Variants in ARFGEF3 observed in about 807,000 individuals in gnomAD.
The protein encoded by ARFGEF3 is ARFGEF family member 3, also known as brefeldin A-inhibited guanine nucleotide-exchange protein 3.
A neutral mutation model predicts 221.7 loss-of-function variants in ARFGEF3; 96 were observed. The ratio of observed to expected loss-of-function variants is 0.43; its 90% CI spans 0.37 to 0.51. The LOEUF (loss-of-function observed/expected upper bound fraction) is 0.51, where lower values mean the gene tolerates loss of function less well. Ranked by LOEUF, ARFGEF3 falls within the 20% of genes least tolerant of loss-of-function variation. ARFGEF3 has a pLI of 0.00. For missense variants in ARFGEF3, 2,410 were observed against 2,789.9 expected, an observed-to-expected ratio of 0.86 and a Z score of 3.07; for synonymous variants, 1,145 against 1,126.8, an observed-to-expected ratio of 1.02 and a Z score of -0.32.
In ARFGEF3 at chr6:138,324,045, G is replaced by A. The variant is rs1780084444; in HGVS notation, c.4892G>A (p.Ser1631Asn). 2.5e-6 allele frequency: 4 copies of A among 1,613,850 alleles called. No homozygotes were observed. Among genetic ancestry groups the A allele is most frequent in the Non-Finnish European group, 3.4e-6 (4 of 1,179,862 alleles). The change falls in exon 31 of 34, where the codon AGC becomes AAC. Residue 1631 changes from serine to asparagine, a missense_variant. Around this residue, in one of 5 missense-constraint regions of ARFGEF3, gnomAD observed 723 missense variants for 991.9 expected, o/e 0.73. Coordinates refer to ENST00000251691, the MANE Select transcript of ARFGEF3 (RefSeq NM_020340.5). ...PVKDLLGCFH[S>N]GTESFSGEGC... ...CAGGACCTGCTGGGCTGCTTCCACA[G>A]CGGCACGGAGAGCTTCAGCGGGGAA...
intron 2 of ARFGEF3, among the ~76,000 whole-genome samples, chr6:138,175,970 G>A (rs1332107902): frequency 6.6e-6 from 1 of 152,068 alleles, no homozygotes; most frequent in Non-Finnish European, 1.5e-5. Flanking sequence ...GTCTCTTGTT[G>A]AATTGATCCC....
chr6:138,228,878 C>A (rs956592335), intron 4 of ARFGEF3, among the ~76,000 whole-genome samples: 3 of 152,238 alleles, frequency 2.0e-5, no homozygotes, highest in African/African-American at 7.2e-5. Context: ...GGAGCAGACA[C>A]CAGCACCTTT....
chr6:138,340,441 A>G lies in ARFGEF3; in HGVS notation c.*3955A>G, dbSNP rs910051246. The G allele has an allele frequency of 2.0e-5, 3 of 152,226 alleles. No homozygotes were observed. The highest frequency in any genetic ancestry group is 2.9e-5 in the Non-Finnish European group (2 of 68,042). The allele number at this position is 152,226 out of a possible 1,614,324, so 9.4% of individuals were successfully genotyped here. Reference sequence around the variant, plus strand: ...AGATACCCTTGACTTTGCCAGATTCATCACAATACTGCTTATACAGGAAAG... The same window carrying G: ...AGATACCCTTGACTTTGCCAGATTCGTCACAATACTGCTTATACAGGAAAG... On this transcript the variant is annotated 3_prime_UTR_variant, in exon 34 of 34. Transcript: ENST00000251691.
At chr6:138,164,081 C>T (rs1280190640) in intron 1 of ARFGEF3, among the ~76,000 whole-genome samples, 1 of 152,160 alleles carries the variant, frequency 6.6e-6, no homozygotes, top group Non-Finnish European at 1.5e-5. Context: ...ATAAAATGTT[C>T]CCTGTAAGGA....
intron 12 of ARFGEF3, among the ~76,000 whole-genome samples, chr6:138,268,198 A>G (rs1778932648): frequency 6.6e-6 from 1 of 152,226 alleles, no homozygotes; most frequent in Non-Finnish European, 1.5e-5. Context: ...AGAAAACATT[A>G]TGCTCCACTG....
intron 3 of ARFGEF3, among the ~76,000 whole-genome samples, chr6:138,208,211 T>A (rs1272212261): frequency 6.6e-6 from 1 of 152,188 alleles, no homozygotes; most frequent in African/African-American, 2.4e-5. Context: ...CTGAATCGTG[T>A]TAACTGAAGC....
intron 2 of ARFGEF3, among the ~76,000 whole-genome samples, chr6:138,178,407 C>T (rs978254070): frequency 2.0e-5 from 3 of 152,280 alleles, no homozygotes; most frequent in African/African-American, 4.8e-5. Context: ...CAGTGTGTGT[C>T]TTATAACATG....
intron 1 of ARFGEF3, among the ~76,000 whole-genome samples, chr6:138,167,211 C>T (rs566526515): frequency 6.6e-6 from 1 of 152,256 alleles, no homozygotes; most frequent in South Asian, 2.1e-4. Context: ...AGATTCTGTC[C>T]CCAGCTGTAA....
intron 12 of ARFGEF3, among the ~76,000 whole-genome samples, chr6:138,272,346 G>T (rs140347586): frequency 6.6e-6 from 1 of 152,052 alleles, no homozygotes; most frequent in Non-Finnish European, 1.5e-5. Flanking sequence ...GAGTAGAGAC[G>T]TGGTTTCACC....
intron 2 of ARFGEF3, among the ~76,000 whole-genome samples, chr6:138,173,297 T>C (rs978038481): frequency 6.6e-6 from 1 of 152,154 alleles, no homozygotes; most frequent in African/African-American, 2.4e-5. Flanking sequence ...ATGAAAAAAT[T>C]TGAATGCTAA....
chr6:138,191,879 A>T (rs1007707526), intron 2 of ARFGEF3, among the ~76,000 whole-genome samples: 1 of 152,104 alleles, frequency 6.6e-6, no homozygotes, highest in African/African-American at 2.4e-5. Context: ...ATTAGAGTGG[A>T]GCCCTTCCTC....
intron 2 of ARFGEF3, 30 bp downstream of exon 2, chr6:138,170,743 G>C: frequency 1.5e-6 from 2 of 1,348,688 alleles, no homozygotes; most frequent in African/African-American, 2.9e-5. Flanking sequence ...TAATATCACA[G>C]AAGTCAATAT....
At chr6:138,235,485 G>T (rs1165391397) in intron 5 of ARFGEF3, among the ~76,000 whole-genome samples, 1 of 152,178 alleles carries the variant, frequency 6.6e-6, no homozygotes, top group Non-Finnish European at 1.5e-5. Flanking sequence ...AACCAATAAT[G>T]GGCAGAATAA....
intron 2 of ARFGEF3, among the ~76,000 whole-genome samples, chr6:138,186,579 G>A (rs2114458862): frequency 6.6e-6 from 1 of 152,290 alleles, no homozygotes; most frequent in South Asian, 2.1e-4. Context: ...GGATTGTTGG[G>A]AAAGGCTCAC....
At chr6:138,186,986 G>A (rs997429355) in intron 2 of ARFGEF3, among the ~76,000 whole-genome samples, 4 of 133,764 alleles carry the variant, frequency 3.0e-5, no homozygotes, top group Admixed American at 8.8e-5. Context: ...TGCGATCTTG[G>A]CTCACTGCAA....
intron 31 of ARFGEF3, 60 bp from the exon 32 acceptor site, chr6:138,327,961 C>T: frequency 1.4e-6 from 2 of 1,435,346 alleles, no homozygotes; most frequent in Non-Finnish European, 9.5e-7. Flanking sequence ...CCAGCTGATC[C>T]CTGACAGGTC....
chr6:138,213,113 C>T (rs951294423), intron 4 of ARFGEF3, among the ~76,000 whole-genome samples: 1 of 151,756 alleles, frequency 6.6e-6, no homozygotes, highest in East Asian at 1.9e-4. Flanking sequence ...ATGGTGAAAC[C>T]CCTTCTCTAC....
Position 138,307,297 on chromosome 6 carries a change from G to C in ARFGEF3, c.3873G>C (p.Gln1291His). ...IGELVEVCST[Q>H]IQSGWRPLFS... ...AGCTGGTTGAAGTGTGTTCCACGCA[G>C]ATCCAGTCGGGATGGAGACCCTTGT... The change falls in exon 23 of 34, where the codon CAG becomes CAC. Residue 1291 changes from glutamine (Q) to histidine (H), a missense_variant. Coordinates refer to ENST00000251691, the MANE Select transcript of ARFGEF3 (RefSeq NM_020340.5). 6.2e-7 allele frequency: 1 copy of C among 1,614,046 alleles called. No homozygotes were observed. Among genetic ancestry groups the C allele is most frequent in the Non-Finnish European group, 8.5e-7 (1 of 1,179,884 alleles).
intron 12 of ARFGEF3, among the ~76,000 whole-genome samples, chr6:138,270,823 G>A (rs1283573949): frequency 6.6e-6 from 1 of 152,118 alleles, no homozygotes; most frequent in Non-Finnish European, 1.5e-5. Context: ...GGGAAGAGGC[G>A]GAATAGAGGG....
Sources: allele counts gnomAD v4.1 joint callset (sites outside exome capture counted in the v4.1 genomes callset), GRCh38; gene constraint gnomAD v4.1.1; regional missense constraint gnomAD v4.1.1; transcripts MANE v1.5; gene names NCBI Gene and HGNC (gene_info 2026-07-23, HGNC 2026-07-21).